The following ITPRID1 variants were observed in gnomAD, a reference collection of about 807,000 sequenced individuals.
ITPRID1 encodes ITPR interacting domain containing 1, also known as protein ITPRID1.
Under a neutral mutation model 95.4 loss-of-function variants are expected in ITPRID1, and 96 were observed. That is an observed-to-expected ratio of 1.01 (90% CI 0.85 to 1.19). The LOEUF is 1.19. Ranked by LOEUF, ITPRID1 falls within the 50% of genes most tolerant of loss-of-function variation. The probability of loss-of-function intolerance (pLI) is 0.00; values close to 1 mark genes in which losing one functional copy is unlikely to be tolerated. For missense variants in ITPRID1, 1,339 were observed against 1,252.9 expected, an observed-to-expected ratio of 1.07 and a Z score of -1.04; for synonymous variants, 510 against 453.6, an observed-to-expected ratio of 1.12 and a Z score of -1.58.
chr7:31,635,619 C>G (rs1246038474), intron 10 of ITPRID1, among the ~76,000 whole-genome samples: 3 of 152,018 alleles, frequency 2.0e-5, no homozygotes, highest in Non-Finnish European at 4.4e-5. Flanking sequence ...TTTTAGGGAC[C>G]CTTTGTAGTT....
chr7:31,571,012 G>A (rs566289496), intron 6 of ITPRID1, among the ~76,000 whole-genome samples: 8 of 141,378 alleles, frequency 5.7e-5, no homozygotes, highest in Non-Finnish European at 7.9e-5. Flanking sequence ...AAAGGACAGG[G>A]CCCAGCTATT....
Position 31,574,731 on chromosome 7 carries a change from C to A in ITPRID1, c.587C>A (p.Pro196His). ...AAGCAGCGAATGGACATTGAGAACCCCAACTTGTACGGTAAGCGAGGTGCC... is the reference window on the plus strand; with the variant it reads ...AAGCAGCGAATGGACATTGAGAACCACAACTTGTACGGTAAGCGAGGTGCC... ...AQKQRMDIEN[P>H]NLYGRFRQLE... is the part of the protein sequence containing the mutation. Residue 196 changes from proline to histidine, a missense_variant, in exon 8 of 15, where the codon CCC becomes CAC. Transcript: ENST00000615280. The A allele has an allele frequency of 6.2e-7, 1 of 1,613,690 alleles. No homozygotes were observed. Among genetic ancestry groups the A allele is most frequent in the Non-Finnish European group, 8.5e-7 (1 of 1,179,748 alleles).
chr7:31,516,207 T>C (rs528398504), intron 1 of ITPRID1, among the ~76,000 whole-genome samples: 1 of 152,196 alleles, frequency 6.6e-6, no homozygotes, highest in Non-Finnish European at 1.5e-5. Flanking sequence ...ACACAGTATA[T>C]AATGTGCATA....
chr7:31,524,804 G>T (rs1000476669), intron 1 of ITPRID1, among the ~76,000 whole-genome samples: 1 of 152,102 alleles, frequency 6.6e-6, no homozygotes, highest in Non-Finnish European at 1.5e-5. Flanking sequence ...ATTTGTTTAT[G>T]AGTCTATCTT....
intron 10 of ITPRID1, among the ~76,000 whole-genome samples, chr7:31,594,519 A>G (rs1785996715): frequency 6.6e-6 from 1 of 152,320 alleles, no homozygotes; most frequent in South Asian, 2.1e-4. Context: ...AACACTAAAT[A>G]AGAAATAATT....
intron 1 of ITPRID1, among the ~76,000 whole-genome samples, chr7:31,519,604 CTCTCTCTCTCTCTCTCTA>C (rs1259575178): frequency 3.5e-4 from 20 of 57,908 alleles, no homozygotes; most frequent in Admixed American, 8.8e-4. Flanking sequence ...CTCTCTCTCT[CTCTCTCTCTCTCTCTCTA>C]TATATATATA....
At chr7:31,538,171 A>C (rs1183859540) in intron 1 of ITPRID1, among the ~76,000 whole-genome samples, 2 of 151,996 alleles carry the variant, frequency 1.3e-5, no homozygotes, top group Admixed American at 6.6e-5. Flanking sequence ...AATAAAAAGG[A>C]CTCTCATGTA....
intron 1 of ITPRID1, among the ~76,000 whole-genome samples, chr7:31,528,536 C>T (rs1039987274): frequency 5.3e-5 from 8 of 152,180 alleles, no homozygotes; most frequent in African/African-American, 1.9e-4. Context: ...CCTTGACACA[C>T]TCCTGGGCTC....
intron 1 of ITPRID1, among the ~76,000 whole-genome samples, chr7:31,534,025 C>G (rs1783682764): frequency 6.6e-6 from 1 of 152,168 alleles, no homozygotes; most frequent in Non-Finnish European, 1.5e-5. Context: ...GTATTAGATC[C>G]TCACAGAAGT....
At chr7:31,576,510 C>G (rs534461287) in intron 8 of ITPRID1, among the ~76,000 whole-genome samples, 3 of 152,096 alleles carry the variant, frequency 2.0e-5, no homozygotes, top group East Asian at 3.9e-4. Context: ...ACCCTCTGAT[C>G]GCAAAAGAGA....
At chr7:31,627,156 G>A (rs1023584544) in intron 10 of ITPRID1, among the ~76,000 whole-genome samples, 3 of 152,276 alleles carry the variant, frequency 2.0e-5, no homozygotes, top group East Asian at 3.9e-4. Context: ...CAATGGCTGG[G>A]CTGTGTCTTT....
intron 1 of ITPRID1, chr7:31,529,813 C>G: frequency 6.5e-7 from 1 of 1,535,082 alleles, no homozygotes; most frequent in East Asian, 2.4e-5. Flanking sequence ...TGCTGAAACT[C>G]CTTTATTCTG....
At chr7:31,656,662 G>A (rs1354994662), downstream of ITPRID1, among the ~76,000 whole-genome samples, 1 of 152,162 alleles carries the variant, frequency 6.6e-6, no homozygotes, top group Non-Finnish European at 1.5e-5. Flanking sequence ...ACGGTTATAG[G>A]TTGTAGAAGG....
rs1364686454 is a variant in ITPRID1, at chr7:31,606,620, TAGAGA to T, written c.1228+23431_1228+23435del. Reference sequence around the variant, plus strand: ...TGATATGGAGAAAGAATTTCGTGCTTAGAGAAATTTTAAAAAATTCTTATGTCCAT... The same window carrying T: ...TGATATGGAGAAAGAATTTCGTGCTTAATTTTAAAAAATTCTTATGTCCAT... On this transcript the variant is annotated intron_variant, in intron 10 of 14. Coordinates refer to ENST00000615280, the MANE Select transcript of ITPRID1 (RefSeq NM_001257967.3). Among the ~76,000 whole-genome samples the T allele has an allele frequency of 1.4e-4, 22 of 152,318 alleles. No homozygotes were observed. The East Asian group carries it at 3.9e-3, about 27-fold the overall frequency.
Position 31,573,367 on chromosome 7 carries a change from GT to G in ITPRID1, c.396-1161del, listed in dbSNP as rs542836819. On this transcript the variant is annotated intron_variant, in intron 7 of 14. Coordinates refer to ENST00000615280, the MANE Select transcript of ITPRID1 (RefSeq NM_001257967.3). ...TATTATTTGTCAATTAAAAATTTTA[GT>G]TTTTTTTTTTTAAAAAAGAGACACA... Among the ~76,000 whole-genome samples the G allele has an allele frequency of 5.3e-3, 759 of 144,564 alleles. 8 individuals are homozygous for G. Among genetic ancestry groups the G allele is most frequent in the African/African-American group, 0.017 (677 of 39,668 alleles). The allele number at this position is 144,564 out of a possible 152,430, so 94.8% of individuals were successfully genotyped here.
intron 6 of ITPRID1, among the ~76,000 whole-genome samples, chr7:31,571,379 C>T (rs971894936): frequency 2.6e-5 from 4 of 152,154 alleles, no homozygotes; most frequent in African/African-American, 9.7e-5. Flanking sequence ...AGTAGGATAC[C>T]TTGTTCTCCT....
At chr7:31,635,911 G>A (rs931771584) in intron 10 of ITPRID1, among the ~76,000 whole-genome samples, 14 of 152,128 alleles carry the variant, frequency 9.2e-5, no homozygotes, top group Admixed American at 6.6e-4. Flanking sequence ...TGCACATCCT[G>A]CACACATACC....
intron 9 of ITPRID1, 73 bp from the exon 10 acceptor site, chr7:31,583,060 AT>A: frequency 9.3e-7 from 1 of 1,076,838 alleles, no homozygotes; most frequent in South Asian, 1.3e-5. Context: ...TGCCAGTCTT[AT>A]TATATGTTGA....
intron 1 of ITPRID1, among the ~76,000 whole-genome samples, chr7:31,546,926 T>G (rs908405525): frequency 1.3e-5 from 2 of 152,064 alleles, no homozygotes; most frequent in Non-Finnish European, 2.9e-5. Context: ...ACTCAAAATT[T>G]AGAGATTGGA....
Sources: allele counts gnomAD v4.1 joint callset (sites outside exome capture counted in the v4.1 genomes callset), GRCh38; gene constraint gnomAD v4.1.1; transcripts MANE v1.5; gene names NCBI Gene and HGNC (gene_info 2026-07-23, HGNC 2026-07-21).